Variants in NTRK3 observed in about 807,000 individuals in gnomAD.
NTRK3 encodes the protein neurotrophic receptor tyrosine kinase 3.
Under a neutral mutation model 91.7 loss-of-function variants are expected in NTRK3, and 24 were observed. The ratio of observed to expected loss-of-function variants is 0.26; its 90% CI spans 0.19 to 0.37. The LOEUF (loss-of-function observed/expected upper bound fraction) is 0.37, where lower values mean the gene tolerates loss of function less well. Among genes scored for constraint, NTRK3 ranks in the 10% least tolerant of loss-of-function variants. The probability of loss-of-function intolerance (pLI) is 1.00; values close to 1 mark genes in which losing one functional copy is unlikely to be tolerated. For missense variants in NTRK3, 880 were observed against 1,068.9 expected, an observed-to-expected ratio of 0.82 and a Z score of 2.46; for synonymous variants, 483 against 404.0, an observed-to-expected ratio of 1.20 and a Z score of -2.34.
At chr15:88,236,435 G>C (rs577085047) in intron 3 of NTRK3, among the ~76,000 whole-genome samples, 1 of 147,062 alleles carries the variant, frequency 6.8e-6, no homozygotes, top group Admixed American at 6.9e-5. Context: ...CACTTTGGGA[G>C]ACTGAGTCAG....
intron 13 of NTRK3, among the ~76,000 whole-genome samples, chr15:88,113,539 C>T (rs2051683712): frequency 6.6e-6 from 1 of 152,130 alleles, no homozygotes; most frequent in African/African-American, 2.4e-5. Flanking sequence ...TGGTCTCAAA[C>T]TCTTGACCTC....
At chr15:87,925,441 G>GCGCACACACACACA (rs113585685) in intron 17 of NTRK3, 3 of 176,292 alleles carry the variant, frequency 1.7e-5, no homozygotes, top group African/African-American at 7.3e-5. Context: ...ACACGTGTAT[G>GCGCACACACACACA]CACACACACA....
intron 13 of NTRK3, among the ~76,000 whole-genome samples, chr15:88,090,064 T>G (rs958738970): frequency 7.9e-5 from 12 of 152,170 alleles, no homozygotes; most frequent in Non-Finnish European, 1.3e-4. Context: ...AGGAACTCTC[T>G]TCCCCGAGAT....
intron 14 of NTRK3, among the ~76,000 whole-genome samples, chr15:87,959,931 CAT>C (rs775202159): frequency 4.6e-5 from 7 of 152,178 alleles, no homozygotes; most frequent in Non-Finnish European, 1.0e-4. Context: ...AATTCTCAGA[CAT>C]GTGGGAAACT....
At chr15:88,014,466 A>G (rs2077091917) in intron 14 of NTRK3, among the ~76,000 whole-genome samples, 1 of 152,256 alleles carries the variant, frequency 6.6e-6, no homozygotes, top group Admixed American at 6.5e-5. Context: ...AGATTAAAAA[A>G]ACTTCTATGT....
chr15:88,033,929 C>A (rs1034278013), intron 13 of NTRK3, among the ~76,000 whole-genome samples: 5 of 152,148 alleles, frequency 3.3e-5, no homozygotes, highest in Non-Finnish European at 7.4e-5. Flanking sequence ...ATGTCTGATG[C>A]TGGATTTCAT....
At chr15:88,177,557 T>G (rs1409360978) in intron 5 of NTRK3, among the ~76,000 whole-genome samples, 1 of 152,160 alleles carries the variant, frequency 6.6e-6, no homozygotes, top group Non-Finnish European at 1.5e-5. Flanking sequence ...GCCTGAGCAA[T>G]TTGATGGATG....
rs575188116 is a variant in NTRK3, at chr15:87,920,892, G to A, written c.2133+8299C>T. On this transcript the variant is annotated intron_variant, in intron 17 of 18. Coordinates refer to ENST00000394480, the Ensembl canonical transcript of NTRK3. ...CCTTAAGTAAGACTGGTTTGGTATC[G>A]CAGAGTGAATCCTGAGACAGTAAAA... 4.6e-5 allele frequency among the ~76,000 whole-genome samples: 7 copies of A among 152,240 alleles called. No individual in the cohort carries two copies. The East Asian group carries it at 5.8e-4, about 13-fold the overall frequency.
intron 3 of NTRK3, among the ~76,000 whole-genome samples, chr15:88,193,020 G>A (rs2047534770): frequency 6.6e-6 from 1 of 152,182 alleles, no homozygotes; most frequent in Non-Finnish European, 1.5e-5. Context: ...CATGAGAACA[G>A]AGATCATATC....
rs143684906 is a variant in NTRK3, at chr15:88,107,879, G to A, written c.1396+18392C>T. 5.5e-4 allele frequency among the ~76,000 whole-genome samples: 83 copies of A among 152,124 alleles called. No individual in the cohort carries two copies. The Middle Eastern group carries it at 0.031, about 56-fold the overall frequency. On this transcript the variant is annotated intron_variant, in intron 13 of 18. Coordinates refer to ENST00000394480, the Ensembl canonical transcript of NTRK3. ...GTGGTCACTACCTGGGCATCCAAGA[G>A]ACCAACAAGCGGGAGAGGGGCAGAA...
chr15:88,037,803 C>T (rs1201813236), intron 13 of NTRK3, among the ~76,000 whole-genome samples: 1 of 152,200 alleles, frequency 6.6e-6, no homozygotes, highest in Non-Finnish European at 1.5e-5. Context: ...ATACTTCCTA[C>T]ACATCAGGCT....
chr15:88,180,558 G>A (rs947089045), intron 5 of NTRK3, among the ~76,000 whole-genome samples: 1 of 152,052 alleles, frequency 6.6e-6, no homozygotes, highest in African/African-American at 2.4e-5. Flanking sequence ...CTTAGGGGTG[G>A]GAGACAGTTC....
chr15:87,946,233 A>G (rs2070481575), intron 14 of NTRK3: 2 of 152,150 alleles, frequency 1.3e-5, no homozygotes, highest in South Asian at 2.1e-4. Flanking sequence ...CCTCCTTCAG[A>G]GGCCAAAACA....
At chr15:88,079,566 G>T (rs2047865038) in intron 13 of NTRK3, among the ~76,000 whole-genome samples, 1 of 152,198 alleles carries the variant, frequency 6.6e-6, no homozygotes, top group African/African-American at 2.4e-5. Flanking sequence ...AGCTGATAGG[G>T]GTTGATTAGT....
chr15:88,123,296 A>G (rs77993531), intron 13 of NTRK3, among the ~76,000 whole-genome samples: 27 of 152,304 alleles, frequency 1.8e-4, no homozygotes, highest in African/African-American at 6.3e-4. Flanking sequence ...GCTGAAGCCA[A>G]TGAGCAATTA....
At chr15:87,864,663 C>A (rs1264499358) in exon 19 of NTRK3, 2 of 230,432 alleles carry the variant, frequency 8.7e-6, no homozygotes, top group Non-Finnish European at 1.7e-5. Context: ...CCCCCTGTCT[C>A]CTTGTATTTT....
chr15:88,213,501 A>C (rs981971098), intron 3 of NTRK3, among the ~76,000 whole-genome samples: 2 of 152,160 alleles, frequency 1.3e-5, no homozygotes, highest in Admixed American at 6.5e-5. Flanking sequence ...AGGCCCAGAC[A>C]GACAGACAGA....
At chr15:87,955,383 T>G (rs1230315071) in intron 14 of NTRK3, among the ~76,000 whole-genome samples, 1 of 152,238 alleles carries the variant, frequency 6.6e-6, no homozygotes, top group Admixed American at 6.5e-5. Context: ...TTGCTCAGCT[T>G]ACAGAGGCTG....
chr15:88,058,175 C>T (rs1295539104), intron 13 of NTRK3, among the ~76,000 whole-genome samples: 1 of 152,180 alleles, frequency 6.6e-6, no homozygotes, highest in East Asian at 1.9e-4. Context: ...TGTGTAGGAA[C>T]TTGGATCGCT....
Sources: allele counts gnomAD v4.1 joint callset (sites outside exome capture counted in the v4.1 genomes callset), GRCh38; gene constraint gnomAD v4.1.1; transcripts MANE v1.5; gene names NCBI Gene and HGNC (gene_info 2026-07-23, HGNC 2026-07-21).